The following UTP20 variants were observed in gnomAD, a reference collection of about 807,000 sequenced individuals.
UTP20 encodes the protein small subunit processome component 20 homolog.
UTP20 carries 164 observed loss-of-function variants against 329.5 expected under a neutral mutation model. That is an observed-to-expected ratio of 0.50 (90% CI 0.44 to 0.57). The LOEUF is 0.57. Ranked by LOEUF, UTP20 falls within the 20% of genes least tolerant of loss-of-function variation. The pLI, the probability that UTP20 is intolerant of heterozygous loss-of-function variation, is 0.00. For missense variants in UTP20, 3,055 were observed against 3,284.2 expected (o/e 0.93, Z 1.71); for synonymous variants, 1,151 against 1,159.3 (o/e 0.99, Z 0.14).
intron 26 of UTP20, 85 bp from the exon 27 acceptor site, chr12:101,329,156 G>T: frequency 8.4e-7 from 1 of 1,189,122 alleles, no homozygotes. Context: ...TATTATTAAG[G>T]GAAATGGAAA....
intron 25 of UTP20, among the ~76,000 whole-genome samples, chr12:101,326,696 T>TA (rs1262741050): frequency 6.6e-6 from 1 of 152,164 alleles, no homozygotes; most frequent in African/African-American, 2.4e-5. Flanking sequence ...ACAAACCACC[T>TA]TCTGGCCTTT....
chr12:101,344,977 G>A (rs895076330), intron 36 of UTP20, among the ~76,000 whole-genome samples: 1 of 111,996 alleles, frequency 8.9e-6, no homozygotes, highest in African/African-American at 3.5e-5. Context: ...ACGGAGTCTC[G>A]CTCTGTTGCC....
At chr12:101,350,791 T>C (rs1410604111) in intron 38 of UTP20, among the ~76,000 whole-genome samples, 3 of 152,150 alleles carry the variant, frequency 2.0e-5, no homozygotes, top group African/African-American at 7.2e-5. Context: ...TGTTCCCTTC[T>C]GTGGTTCTTT....
chr12:101,338,522 T>G (rs1173749401), intron 30 of UTP20, among the ~76,000 whole-genome samples: 1 of 152,228 alleles, frequency 6.6e-6, no homozygotes, highest in African/African-American at 2.4e-5. Flanking sequence ...TCTACTGTCA[T>G]GTCTCTACAT....
chr12:101,288,096 C>T (rs1593417071), intron 5 of UTP20, among the ~76,000 whole-genome samples: 2 of 152,328 alleles, frequency 1.3e-5, no homozygotes, highest in South Asian at 4.1e-4. Context: ...CCTGTTAGCC[C>T]AAGCTTGTAT....
chr12:101,342,370 C>T, intron 32 of UTP20, 76 bp from the exon 33 acceptor site: 1 of 1,184,326 alleles, frequency 8.4e-7, no homozygotes, highest in Non-Finnish European at 1.2e-6. Context: ...GTTTTCTATG[C>T]TATAATATAT....
Position 101,355,632 on chromosome 12 carries a change from C to T in UTP20, c.5394+514C>T, listed in dbSNP as rs569059129. On this transcript the variant is annotated intron_variant, in intron 41 of 61. Transcript: ENST00000261637. ...TGGAACACAATTATCCACTTGTTTACGTAGTGTTTAGTACTGCCTTTTCAT... is the reference window on the plus strand; with the variant it reads ...TGGAACACAATTATCCACTTGTTTATGTAGTGTTTAGTACTGCCTTTTCAT... 1.1e-4 allele frequency among the ~76,000 whole-genome samples: 16 copies of T among 152,246 alleles called. No individual in the cohort carries two copies. The East Asian group carries it at 1.9e-3, about 18-fold the overall frequency.
At chr12:101,309,307 G>C (rs1419823909) in intron 18 of UTP20, among the ~76,000 whole-genome samples, 1 of 152,152 alleles carries the variant, frequency 6.6e-6, no homozygotes, top group Non-Finnish European at 1.5e-5. Context: ...TAGTAATAAT[G>C]ACCCTTATTC....
chr12:101,308,057 A>G (rs2137249406), intron 17 of UTP20, 128 bp from the exon 18 acceptor site: 1 of 804,390 alleles, frequency 1.2e-6, no homozygotes, highest in Non-Finnish European at 1.7e-6. Context: ...AAAAAGTGTT[A>G]CTTATTTCAT....
intron 15 of UTP20, among the ~76,000 whole-genome samples, chr12:101,303,231 A>G (rs1203884428): frequency 6.6e-6 from 1 of 152,200 alleles, no homozygotes; most frequent in Admixed American, 6.5e-5. Flanking sequence ...GCACTGTGAA[A>G]CATAGTGAAT....
At chr12:101,363,201 TG>T (rs1869983123) in intron 44 of UTP20, among the ~76,000 whole-genome samples, 1 of 152,296 alleles carries the variant, frequency 6.6e-6, no homozygotes, top group Non-Finnish European at 1.5e-5. Context: ...ATAATTAGAA[TG>T]TAAATAATTA....
chr12:101,383,419 C>T (rs1264999644), intron 59 of UTP20, 106 bp downstream of exon 59: 5 of 1,487,624 alleles, frequency 3.4e-6, no homozygotes, highest in Non-Finnish European at 4.5e-6. Context: ...TCTTTGAACC[C>T]CAAACTGCAG....
chr12:101,347,057 T>G (rs1869348606), intron 38 of UTP20, among the ~76,000 whole-genome samples: 2 of 152,142 alleles, frequency 1.3e-5, no homozygotes, highest in South Asian at 4.1e-4. Context: ...ATTCTTCAAC[T>G]ACTATTTTAC....
chr12:101,370,214 C>T (rs1011902137), intron 49 of UTP20, among the ~76,000 whole-genome samples: 1 of 152,164 alleles, frequency 6.6e-6, no homozygotes, highest in Non-Finnish European at 1.5e-5. Flanking sequence ...GAGACCCTGA[C>T]TCATAAAAAG....
intron 35 of UTP20, among the ~76,000 whole-genome samples, 155 bp downstream of exon 35, chr12:101,343,248 A>G (rs1259890009): frequency 6.6e-6 from 1 of 152,200 alleles, no homozygotes; most frequent in African/African-American, 2.4e-5. Flanking sequence ...ATGTCTGGCA[A>G]AACAGTTATT....
At chr12:101,351,481 C>T (rs1256671073) in intron 38 of UTP20, among the ~76,000 whole-genome samples, 9 of 148,332 alleles carry the variant, frequency 6.1e-5, no homozygotes, top group African/African-American at 2.2e-4. Flanking sequence ...AGTCCACTCT[C>T]TGTTTTTCAT....
At chr12:101,371,950 AAG>A (rs1870309329) in intron 51 of UTP20, among the ~76,000 whole-genome samples, 1 of 152,158 alleles carries the variant, frequency 6.6e-6, no homozygotes, top group Non-Finnish European at 1.5e-5. Context: ...ACTGTGCCCA[AAG>A]AGGTGGAAAG....
chr12:101,344,547 TGTA>T (rs1444068819), intron 35 of UTP20, 45 bp from the exon 36 acceptor site: 2 of 847,712 alleles, frequency 2.4e-6, no homozygotes, highest in African/African-American at 3.3e-5. Flanking sequence ...TATTCCATAT[TGTA>T]GTTATTACAG....
At chr12:101,327,289 G>A (rs775848674) in intron 26 of UTP20, 42 bp downstream of exon 26, 38 of 1,492,426 alleles carry the variant, frequency 2.5e-5, no homozygotes, top group Middle Eastern at 3.6e-4. Flanking sequence ...TGTTGTCTGC[G>A]GTGGACTTCT....
Sources: gnomAD v4.1 joint callset for allele counts (sites outside exome capture counted in the v4.1 genomes callset) on GRCh38, gnomAD v4.1.1 for gene constraint, MANE v1.5 for transcripts, NCBI Gene and HGNC (gene_info 2026-07-23, HGNC 2026-07-21) for gene names.